UTRN: variants seen among roughly 807,000 people sequenced by gnomAD.
The protein encoded by UTRN is dystrophin-related protein 1.
A neutral mutation model predicts 463.9 loss-of-function variants in UTRN; 283 were observed. The ratio of observed to expected loss-of-function variants is 0.61; its 90% confidence interval spans 0.55 to 0.67. UTRN has a LOEUF of 0.67. UTRN is among the 30% of genes least tolerant of loss of function. The pLI, the probability that UTRN is intolerant of heterozygous loss-of-function variation, is 0.00. For missense variants in UTRN, 3,922 were observed against 4,084.3 expected, an observed-to-expected ratio of 0.96 and a Z score of 1.08; for synonymous variants, 1,442 against 1,431.5, an observed-to-expected ratio of 1.01 and a Z score of -0.17.
intron 17 of UTRN, 110 bp from the exon 18 acceptor site, chr6:144,451,260 G>A (rs1399858454): frequency 3.1e-6 from 4 of 1,286,976 alleles, no homozygotes; most frequent in Admixed American, 4.8e-5. Flanking sequence ...TGTTTTTGGG[G>A]GAGTGATAAA....
At chr6:144,671,047 A>G (rs1255138940) in intron 51 of UTRN, among the ~76,000 whole-genome samples, 1 of 152,000 alleles carries the variant, frequency 6.6e-6, no homozygotes, top group African/African-American at 2.4e-5. Context: ...GCCTTGTAGT[A>G]TAGTTTGAAG....
intron 3 of UTRN, among the ~76,000 whole-genome samples, chr6:144,419,658 G>T (rs7773862): frequency 0.12 from 18,389 of 152,080 alleles, 2,621 homozygotes; most frequent in African/African-American, 0.34. Context: ...GAATCTGAAT[G>T]TTTTAAAAGA....
intron 69 of UTRN, among the ~76,000 whole-genome samples, chr6:144,830,467 C>T (rs1375543109): frequency 1.3e-5 from 2 of 152,050 alleles, no homozygotes; most frequent in Admixed American, 6.6e-5. Flanking sequence ...AATTTATATA[C>T]ATGTATATAC....
intron 2 of UTRN, among the ~76,000 whole-genome samples, chr6:144,300,543 G>A (rs1028566371): frequency 6.6e-6 from 1 of 152,148 alleles, no homozygotes; most frequent in Non-Finnish European, 1.5e-5. Flanking sequence ...ATACAGGAAG[G>A]GATCTTTATT....
chr6:144,797,383 C>T (rs1481136733), intron 63 of UTRN, among the ~76,000 whole-genome samples: 1 of 151,978 alleles, frequency 6.6e-6, no homozygotes, highest in Non-Finnish European at 1.5e-5. Context: ...TTAGTAGAGA[C>T]GGGGTTTCAC....
chr6:144,748,161 A>G (rs1020519700), intron 54 of UTRN, 85 bp from the exon 55 acceptor site: 24 of 1,464,816 alleles, frequency 1.6e-5, no homozygotes, highest in East Asian at 2.3e-5. Flanking sequence ...CGTATTTCTC[A>G]GTAACGATGG....
At chr6:144,802,815 G>A (rs1470197516) in intron 64 of UTRN, among the ~76,000 whole-genome samples, 2 of 151,822 alleles carry the variant, frequency 1.3e-5, no homozygotes, top group Admixed American at 1.3e-4. Context: ...TTCTTTTCTT[G>A]CCTATCATTT....
intron 52 of UTRN, among the ~76,000 whole-genome samples, chr6:144,696,083 A>G (rs941949726): frequency 1.3e-5 from 2 of 152,210 alleles, no homozygotes; most frequent in African/African-American, 4.8e-5. Flanking sequence ...AAAAGCCCGT[A>G]GAGAAGATTA....
At position 144,748,533 on chromosome 6, in the gene UTRN, G is replaced by A. The variant is rs764642129; in HGVS notation, c.8208+19G>A. 4 of 1,597,536 alleles carry A rather than the reference G, an allele frequency of 2.5e-6. No individual in the cohort carries two copies. The highest frequency in any genetic ancestry group is 3.4e-6 in the Non-Finnish European group (4 of 1,174,252). On this transcript the variant is annotated intron_variant, in intron 55 of 74. Coordinates refer to ENST00000367545, the MANE Select transcript of UTRN (RefSeq NM_007124.3). ...AATCATGGTCAGCATCATTGTCTTT[G>A]AAGGATTTTTAAGAAATGTTTTCTT...
At position 144,487,604 on chromosome 6, in the gene UTRN, T is replaced by C. The variant is rs1792594251; in HGVS notation, c.3879T>C (p.Leu1293=). The C allele has an allele frequency of 6.2e-7, 1 of 1,613,704 alleles. No individual in the cohort carries two copies. The highest frequency in any genetic ancestry group is 1.3e-5 in the African/African-American group (1 of 75,000). Residue 1293 remains leucine, a synonymous_variant, in exon 29 of 75, where the codon CTT becomes CTC. Coordinates refer to ENST00000367545, the MANE Select transcript of UTRN (RefSeq NM_007124.3). Reference sequence around the variant, plus strand: ...ATAATCGCACCCAGATTCGAGAGCTTGGCCAGACTCTGATTGATGGGGGGA... The same window carrying C: ...ATAATCGCACCCAGATTCGAGAGCTCGGCCAGACTCTGATTGATGGGGGGA... ...PADNRTQIRE[L]GQTLIDGGIL...
At chr6:144,710,271 G>A (rs928651204) in intron 53 of UTRN, among the ~76,000 whole-genome samples, 2 of 152,150 alleles carry the variant, frequency 1.3e-5, no homozygotes, top group Non-Finnish European at 2.9e-5. Flanking sequence ...TGGCATTGTG[G>A]GCTCCAAAAC....
intron 27 of UTRN, among the ~76,000 whole-genome samples, chr6:144,485,182 C>T (rs1369533052): frequency 6.6e-6 from 1 of 152,098 alleles, no homozygotes; most frequent in Non-Finnish European, 1.5e-5. Flanking sequence ...CTTCAGCCTC[C>T]CAAAGTGCTG....
intron 2 of UTRN, among the ~76,000 whole-genome samples, chr6:144,391,263 A>G (rs1413935681): frequency 1.3e-5 from 2 of 152,030 alleles, no homozygotes; most frequent in East Asian, 1.9e-4. Context: ...GTAGGGACAG[A>G]GTCTCCCTGT....
chr6:144,605,153 T>C (rs1005739601), intron 51 of UTRN, among the ~76,000 whole-genome samples: 21 of 152,154 alleles, frequency 1.4e-4, no homozygotes, highest in African/African-American at 5.1e-4. Context: ...CCTTGGATCT[T>C]AGGCTAATGG....
intron 53 of UTRN, among the ~76,000 whole-genome samples, chr6:144,722,934 C>G (rs1339892739): frequency 2.0e-5 from 3 of 152,116 alleles, no homozygotes; most frequent in African/African-American, 7.2e-5. Context: ...AATTGCCAAC[C>G]CACACAATCA....
At chr6:144,464,769 G>C (rs1789764823) in intron 23 of UTRN, among the ~76,000 whole-genome samples, 1 of 152,098 alleles carries the variant, frequency 6.6e-6, no homozygotes, top group Non-Finnish European at 1.5e-5. Flanking sequence ...CAAAATGCTA[G>C]GATTACAGAC....
intron 53 of UTRN, among the ~76,000 whole-genome samples, chr6:144,723,151 T>C (rs140583991): frequency 1.3e-5 from 2 of 152,326 alleles, no homozygotes; most frequent in East Asian, 3.9e-4. Flanking sequence ...GTTCCTTATT[T>C]ATCTAAAAAG....
chr6:144,712,575 A>G (rs767681291), intron 53 of UTRN, among the ~76,000 whole-genome samples: 17 of 152,234 alleles, frequency 1.1e-4, no homozygotes, highest in Non-Finnish European at 2.2e-4. Context: ...TGAAACTTCT[A>G]TATTGTACCT....
chr6:144,464,172 G>C (rs1051954216), intron 23 of UTRN, among the ~76,000 whole-genome samples: 21 of 152,112 alleles, frequency 1.4e-4, no homozygotes, highest in Non-Finnish European at 2.1e-4. Context: ...TGTATGTTTT[G>C]AAAATCAAAG....
Sources: allele counts gnomAD v4.1 joint callset (sites outside exome capture counted in the v4.1 genomes callset), GRCh38; gene constraint gnomAD v4.1.1; transcripts MANE v1.5; gene names NCBI Gene and HGNC (gene_info 2026-07-23, HGNC 2026-07-21).